Variants in BAX observed in about 807,000 individuals in gnomAD.
BAX encodes BCL2 associated X, apoptosis regulator.
A neutral mutation model predicts 26.8 loss-of-function variants in BAX; 21 were observed. That is an observed-to-expected ratio of 0.78 (90% confidence interval 0.56 to 1.13). The LOEUF is 1.13. Ranked by LOEUF, BAX falls within the 50% of genes most tolerant of loss-of-function variation. The probability of loss-of-function intolerance (pLI) is 0.00; values close to 1 mark genes in which losing one functional copy is unlikely to be tolerated. For synonymous variants in BAX, 110 were observed against 101.8 expected (o/e 1.08, Z -0.49); for missense variants, 236 against 254.6 (o/e 0.93, Z 0.50).
At chr19:48,958,085 C>T (rs866217222) in intron 4 of BAX, among the ~76,000 whole-genome samples, 15 of 56,876 alleles carry the variant, frequency 2.6e-4, no homozygotes, top group South Asian at 1.1e-3. Flanking sequence ...AGCAGAGGTG[C>T]GGGGGGGGCA....
chr19:48,958,693 C>T (rs4645898), intron 4 of BAX, among the ~76,000 whole-genome samples: 53 of 151,866 alleles, frequency 3.5e-4, no homozygotes, highest in African/African-American at 1.3e-3. Context: ...TACAGGCGTC[C>T]GCCACCACAC....
Position 48,955,940 on chromosome 19 carries a change from C to G in BAX, c.233+107C>G, listed in dbSNP as rs552458564. ...CCCTAAGAACTAGGAGTCTGGGCCC[C>G]ACAACTCAGCGCAAACATTCCGGAC... On this transcript the variant is annotated intron_variant, in intron 3 of 5. Coordinates refer to ENST00000345358, the MANE Select transcript of BAX (RefSeq NM_138761.4). 2.9e-4 allele frequency: 400 copies of G among 1,378,508 alleles called. 2 individuals are homozygous for G. The African/African-American group carries it at 5.6e-3, about 19-fold the overall frequency. 85.4% of individuals were successfully genotyped at this position (1,378,508 alleles called of 1,614,324 possible).
At chr19:48,958,753 C>T (rs966513346) in intron 4 of BAX, among the ~76,000 whole-genome samples, 2 of 150,254 alleles carry the variant, frequency 1.3e-5, no homozygotes, top group African/African-American at 4.9e-5. Context: ...CCATGTTGGC[C>T]AGGCTGGTCT....
chr19:48,959,564 C>T (rs972414805), intron 4 of BAX, among the ~76,000 whole-genome samples: 4 of 149,416 alleles, frequency 2.7e-5, no homozygotes, highest in South Asian at 2.1e-4. Flanking sequence ...CCTGTAATCC[C>T]GGCACTTTGG....
At chr19:48,957,835 T>C (rs1418463494) in intron 4 of BAX, among the ~76,000 whole-genome samples, 1 of 152,206 alleles carries the variant, frequency 6.6e-6, no homozygotes, top group East Asian at 1.9e-4. Context: ...ACTGTCTGTA[T>C]AGCAAAATGT....
At chr19:48,957,921 G>A (rs568297800) in intron 4 of BAX, among the ~76,000 whole-genome samples, 1 of 152,188 alleles carries the variant, frequency 6.6e-6, no homozygotes, top group South Asian at 2.1e-4. Flanking sequence ...TCATTATGAA[G>A]ATTCTCATAA....
At position 48,955,404 on chromosome 19, in the gene BAX, G is replaced by GC. The variant is rs922778259; in HGVS notation, c.35-137dup. On this transcript the variant is annotated intron_variant, in intron 1 of 5. Transcript: ENST00000345358. ...CTCCATCAGGGACTCAGTTGTCTGGGCCCCCCCGTCACTTTATCTGCTAGG... is the reference window on the plus strand; with the variant it reads ...CTCCATCAGGGACTCAGTTGTCTGGGCCCCCCCCGTCACTTTATCTGCTAGG... 100 of 885,108 alleles carry GC rather than the reference G, an allele frequency of 1.1e-4. No individual in the cohort carries two copies. The East Asian group carries it at 1.5e-3, about 13-fold the overall frequency. 54.8% of individuals were successfully genotyped at this position (885,108 alleles called of 1,614,324 possible). A position where few individuals can be genotyped will look rare whatever the true frequency, so the allele number is the denominator to read the frequency against.
Position 48,955,789 on chromosome 19 carries a change from C to T in BAX, c.189C>T (p.Leu63=), listed in dbSNP as rs2038104657. Residue 63 remains leucine, a synonymous_variant, in exon 3 of 6, where the codon CTC becomes CTT. Coordinates refer to ENST00000345358, the MANE Select transcript of BAX (RefSeq NM_138761.4). ...CCACCAAGAAGCTGAGCGAGTGTCT[C>T]AAGCGCATCGGGGACGAACTGGACA... ...DASTKKLSEC[L]KRIGDELDSN... is the part of the protein sequence containing the mutation. 1 of 1,612,708 alleles carries T rather than the reference C, an allele frequency of 6.2e-7. No individual in the cohort carries two copies. Among genetic ancestry groups the T allele is most frequent in the African/African-American group, 1.3e-5 (1 of 74,780 alleles).
At chr19:48,961,006 C>A in intron 5 of BAX, 92 bp downstream of exon 5, 1 of 1,612,852 alleles carries the variant, frequency 6.2e-7, no homozygotes, top group Non-Finnish European at 8.5e-7. Context: ...CCTCTGGGAC[C>A]CTGGGCCTTC....
chr19:48,958,345 A>AT (rs34043541), intron 4 of BAX, among the ~76,000 whole-genome samples: 1,639 of 64,472 alleles, frequency 0.025, 189 homozygotes, highest in East Asian at 0.14. Flanking sequence ...TTTTTGGAAG[A>AT]TTTTTTTTTT....
At chr19:48,956,385 AG>A in intron 4 of BAX, 52 bp downstream of exon 4, 2 of 1,462,970 alleles carry the variant, frequency 1.4e-6, no homozygotes, top group Non-Finnish European at 1.8e-6. Context: ...CAGATCTGTG[AG>A]GACCTGGGGA....
At chr19:48,956,081 T>C in intron 3 of BAX, 117 bp from the exon 4 acceptor site, 1 of 1,358,274 alleles carries the variant, frequency 7.4e-7, no homozygotes, top group South Asian at 1.6e-5. Context: ...CTGTTGCTTT[T>C]CATTTCAGCC....
intron 3 of BAX, 124 bp downstream of exon 3, chr19:48,955,957 ATTCCG>A (rs1388369176): frequency 1.6e-6 from 2 of 1,246,150 alleles, no homozygotes; most frequent in African/African-American, 1.5e-5. Context: ...CAGCGCAAAC[ATTCCG>A]GACTCCCAGC....
intron 4 of BAX, among the ~76,000 whole-genome samples, chr19:48,958,034 T>C (rs1393614754): frequency 2.0e-5 from 3 of 151,760 alleles, no homozygotes; most frequent in Admixed American, 2.0e-4. Flanking sequence ...AGGTGGCACC[T>C]GTCATAGTCT....
At chr19:48,955,494 T>TCAGGGGCTGTGAGTCTCCACAGTCTA in intron 1 of BAX, 54 bp from the exon 2 acceptor site, 1 of 1,573,322 alleles carries the variant, frequency 6.4e-7, no homozygotes, top group South Asian at 1.2e-5. Flanking sequence ...CACAGTCTCC[T>TCAGGGGCTGTGAGTCTCCACAGTCTA]GATCCCCTAG....
intron 1 of BAX, chr19:48,955,211 C>T: frequency 2.3e-6 from 1 of 438,748 alleles, no homozygotes; most frequent in Non-Finnish European, 3.8e-6. Context: ...AGCCAAGCCC[C>T]CGGGCAGGCC....
intron 3 of BAX, 97 bp from the exon 4 acceptor site, chr19:48,956,101 G>T (rs1469967618): frequency 3.6e-6 from 5 of 1,394,686 alleles, no homozygotes; most frequent in Non-Finnish European, 4.8e-6. Context: ...CTGGCTTGGG[G>T]CTCAGTCTCC....
At chr19:48,959,368 A>G (rs943009735) in intron 4 of BAX, among the ~76,000 whole-genome samples, 7 of 149,936 alleles carry the variant, frequency 4.7e-5, no homozygotes, top group African/African-American at 7.3e-5. Context: ...AAAAAAAAAA[A>G]AAAGAAAAGT....
intron 5 of BAX, 196 bp from the exon 6 acceptor site, chr19:48,961,336 C>T (rs1291033916): frequency 1.5e-6 from 2 of 1,323,870 alleles, no homozygotes; most frequent in African/African-American, 1.5e-5. Context: ...ATCCTCCCGC[C>T]TCAGCCTCTC....
Sources: gnomAD v4.1 joint callset for allele counts (sites outside exome capture counted in the v4.1 genomes callset) on GRCh38, gnomAD v4.1.1 for gene constraint, MANE v1.5 for transcripts, NCBI Gene and HGNC (gene_info 2026-07-23, HGNC 2026-07-21) for gene names.